The following CABLES2 variants were observed in gnomAD, a reference collection of about 807,000 sequenced individuals.
CABLES2 encodes Cdk5 and Abl enzyme substrate 2, also known as CDK5 and ABL1 enzyme substrate 2.
In CABLES2, 35 loss-of-function variants were observed where a neutral mutation model predicts 44.8. The observed-to-expected ratio is 0.78, with a 90% CI of 0.60 to 1.04. The LOEUF (loss-of-function observed/expected upper bound fraction) is 1.04, where lower values mean the gene tolerates loss of function less well. Ranked by LOEUF, CABLES2 falls within the 50% of genes least tolerant of loss-of-function variation. The probability of loss-of-function intolerance (pLI) is 0.00; values close to 1 mark genes in which losing one functional copy is unlikely to be tolerated. For synonymous variants in CABLES2, 282 were observed against 281.1 expected (o/e 1.00, Z -0.03); for missense variants, 566 against 615.7 (o/e 0.92, Z 0.85).
Position 62,396,472 on chromosome 20 carries a change from T to C in CABLES2, c.434+49A>G. 2 of 1,612,520 alleles carry C rather than the reference T, an allele frequency of 1.2e-6. No homozygotes were observed. The highest frequency in any genetic ancestry group is 1.3e-5 in the African/African-American group (1 of 74,966). Reference sequence around the variant, plus strand: ...GACCCTCTGGCCCCGCAGGGGTCAGTGGCAGCCCGAGCGGAGTCGTAGAGC... The same window carrying C: ...GACCCTCTGGCCCCGCAGGGGTCAGCGGCAGCCCGAGCGGAGTCGTAGAGC... On this transcript the variant is annotated intron_variant, in intron 2 of 9. Coordinates refer to ENST00000279101, the MANE Select transcript of CABLES2 (RefSeq NM_031215.3). The surrounding 1 kb of genome is among the most constrained non-coding windows in gnomAD (Gnocchi z 5.7).
chr20:62,399,963 G>A (rs916867752), intron 1 of CABLES2, among the ~76,000 whole-genome samples: 5 of 152,174 alleles, frequency 3.3e-5, no homozygotes, highest in Non-Finnish European at 5.9e-5. Flanking sequence ...ATGGTTGTAG[G>A]GGTACCAAGT....
Position 62,394,978 on chromosome 20 carries a change from C to T in CABLES2, c.564G>A (p.Ala188=), listed in dbSNP as rs149234266. 2,921 of 1,612,964 alleles carry T rather than the reference C, an allele frequency of 1.8e-3. 10 individuals carry two copies. Among genetic ancestry groups the T allele is most frequent in the Non-Finnish European group, 2.1e-3 (2,446 of 1,179,952 alleles). The change falls in exon 4 of 10, where the codon GCG becomes GCA. Residue 188 remains alanine (A), a synonymous_variant. Transcript: ENST00000279101. ...VLICAKRSLC[A]AFSVLPYGEG... The stretch of plus-strand genomic sequence containing the variant: ...CCCCATAGGGCAGGACCGAGAAGGC[C>T]GCGCACAGGGACCGCTTGGCACAGA...
In CABLES2 at chr20:62,393,431, G is replaced by T. The variant is rs202199654; in HGVS notation, c.880+9C>A. On this transcript the variant is annotated intron_variant, in intron 6 of 9. Coordinates refer to ENST00000279101, the MANE Select transcript of CABLES2 (RefSeq NM_031215.3). ...CTGTTCCAGGCCGTGGTTAAGGCAC[G>T]TGGGCTACCTAGTTCTGTGCTGGCT... The T allele has an allele frequency of 5.7e-6, 9 of 1,583,116 alleles. No individual in the cohort carries two copies. The highest frequency in any genetic ancestry group is 3.5e-5 in the South Asian group (3 of 86,828).
At chr20:62,403,779 C>G (rs1988231526) in intron 1 of CABLES2, 1 of 152,266 alleles carries the variant, frequency 6.6e-6, no homozygotes, top group African/African-American at 2.4e-5. Context: ...ATGAGGAAAA[C>G]AAGGATTCTA....
In CABLES2 at chr20:62,407,049, G is replaced by A; in HGVS notation, c.228C>T (p.Ala76=). Reference sequence around the variant, plus strand: ...GCGGCGCTGGCGGTTCGCGGGCCTCGGCGGGCGGCGGCGGGGGCTTCTCTC... The same window carrying A: ...GCGGCGCTGGCGGTTCGCGGGCCTCAGCGGGCGGCGGCGGGGGCTTCTCTC... The part of the protein sequence containing the change: ...PGGEKPPPPP[A]EAREPPAPPP... Residue 76 remains alanine (A), a synonymous_variant, in exon 1 of 10, where the codon GCC becomes GCT. Transcript: ENST00000279101. 1 of 1,090,956 alleles carries A rather than the reference G, an allele frequency of 9.2e-7. No homozygotes were observed. Among genetic ancestry groups the A allele is most frequent in the Non-Finnish European group, 1.1e-6 (1 of 898,608 alleles). The allele number at this position is 1,090,956 out of a possible 1,614,324, so 67.6% of individuals were successfully genotyped here.
Position 62,391,514 on chromosome 20 carries a change from C to T in CABLES2, c.1092-61G>A. 1 of 1,553,456 alleles carries T rather than the reference C, an allele frequency of 6.4e-7. No individual in the cohort carries two copies. On this transcript the variant is annotated intron_variant, in intron 8 of 9. Coordinates refer to ENST00000279101, the MANE Select transcript of CABLES2 (RefSeq NM_031215.3). The surrounding 1 kb of genome is among the most constrained non-coding windows in gnomAD (Gnocchi z 5.7). ...TCTGGCTGGGGCTGAGGAGGCAGCCCCCTGCCACCACCAACCGAGGCTGGA... is the reference window on the plus strand; with the variant it reads ...TCTGGCTGGGGCTGAGGAGGCAGCCTCCTGCCACCACCAACCGAGGCTGGA...
intron 1 of CABLES2, among the ~76,000 whole-genome samples, chr20:62,401,098 C>A (rs1407503929): frequency 6.6e-6 from 1 of 152,176 alleles, no homozygotes; most frequent in Non-Finnish European, 1.5e-5. Flanking sequence ...CTCTGGCACC[C>A]AGTGGCGCCG....
At position 62,396,626 on chromosome 20, in the gene CABLES2, A is replaced by T. The variant is rs765542150; in HGVS notation, c.363-34T>A. 1.3e-6 allele frequency: 2 copies of T among 1,586,914 alleles called. No homozygotes were observed. The highest frequency in any genetic ancestry group is 3.6e-5 in the Admixed American group (2 of 55,026). ...TGACAATGGAGCCTCAAAACAGGCC[A>T]CCAGCCCGGGTGCCGCCTTTGTGGC... On this transcript the variant is annotated intron_variant, in intron 1 of 9. Coordinates refer to ENST00000279101, the MANE Select transcript of CABLES2 (RefSeq NM_031215.3). This position sits in a 1 kb window ranked among gnomAD's most constrained non-coding sequence, Gnocchi z 5.7.
chr20:62,402,094 T>G (rs1988199802), intron 1 of CABLES2: 1 of 152,116 alleles, frequency 6.6e-6, no homozygotes, highest in South Asian at 2.1e-4. Context: ...CAAAGCTGCC[T>G]GCATCTGACT....
intron 1 of CABLES2, among the ~76,000 whole-genome samples, chr20:62,397,130 C>T (rs141040925): frequency 7.2e-5 from 11 of 152,356 alleles, no homozygotes; most frequent in Non-Finnish European, 1.5e-4. Flanking sequence ...ACCTCAGTGC[C>T]GTCACGGGGG....
In CABLES2 at chr20:62,391,498, G is replaced by T. The variant is rs1308551186; in HGVS notation, c.1092-45C>A. ...CCATGTCCCTGGGGGCTCTGGCTGG[G>T]GCTGAGGAGGCAGCCCCCTGCCACC... On this transcript the variant is annotated intron_variant, in intron 8 of 9. Coordinates refer to ENST00000279101, the MANE Select transcript of CABLES2 (RefSeq NM_031215.3). The surrounding 1 kb of genome is among the most constrained non-coding windows in gnomAD (Gnocchi z 5.7). The T allele has an allele frequency of 6.3e-7, 1 of 1,592,996 alleles. No homozygotes were observed.
At chr20:62,398,077 T>TGGTGACGGTGGG (rs1433351710) in intron 1 of CABLES2, among the ~76,000 whole-genome samples, 1 of 33,056 alleles carries the variant, frequency 3.0e-5, no homozygotes, top group Non-Finnish European at 6.0e-5. Flanking sequence ...GTGACGGTGG[T>TGGTGACGGTGGG]GGTGGTGGTG....
intron 1 of CABLES2, among the ~76,000 whole-genome samples, chr20:62,398,398 G>A (rs1243548432): frequency 6.6e-6 from 1 of 152,072 alleles, no homozygotes; most frequent in Non-Finnish European, 1.5e-5. Flanking sequence ...CCTCTGCAGG[G>A]TGCTGTGTGG....
intron 8 of CABLES2, 123 bp downstream of exon 8, chr20:62,392,266 A>C: frequency 1.4e-6 from 1 of 699,584 alleles, no homozygotes; most frequent in Non-Finnish European, 2.5e-6. Context: ...TCGGATGGCG[A>C]GAGGGGGTTG....
At chr20:62,394,870 G>A in intron 4 of CABLES2, 67 bp downstream of exon 4, 1 of 1,472,814 alleles carries the variant, frequency 6.8e-7, no homozygotes, top group Non-Finnish European at 9.3e-7. Flanking sequence ...TCCTGGGCCT[G>A]GCCGAGACCA....
At chr20:62,397,949 GGTAGTGGTGGTGATGGTGGTGACA>G (rs1601475431) in intron 1 of CABLES2, among the ~76,000 whole-genome samples, 5 of 94,082 alleles carry the variant, frequency 5.3e-5, no homozygotes, top group Admixed American at 1.1e-4. Flanking sequence ...TGGTGGTGAC[GGTAGTGGTGGTGATGGTGGTGACA>G]GTGGTGATGG....
At chr20:62,402,245 G>A (rs542075533) in intron 1 of CABLES2, 2 of 152,366 alleles carry the variant, frequency 1.3e-5, no homozygotes, top group African/African-American at 2.4e-5. Context: ...AGAGAAATCT[G>A]CTATTTATTA....
intron 6 of CABLES2, 28 bp downstream of exon 6, chr20:62,393,412 C>T (rs1422663781): frequency 6.4e-7 from 1 of 1,566,162 alleles, no homozygotes; most frequent in Admixed American, 1.8e-5. Context: ...CACCCTGTTC[C>T]AGGCCGTGGT....
intron 1 of CABLES2, among the ~76,000 whole-genome samples, chr20:62,398,333 A>ATGGCAGTGGTGGTGACGG (rs1988123718): frequency 7.4e-6 from 1 of 134,862 alleles, no homozygotes; most frequent in Non-Finnish European, 1.6e-5. Flanking sequence ...GGTGGTGACG[A>ATGGCAGTGGTGGTGACGG]TGGTGGTGAT....
Sources: gnomAD v4.1 joint callset for allele counts (sites outside exome capture counted in the v4.1 genomes callset) on GRCh38, gnomAD v4.1.1 for gene constraint, Gnocchi (gnomAD v3.1) non-coding constraint, MANE v1.5 for transcripts, NCBI Gene and HGNC (gene_info 2026-07-23, HGNC 2026-07-21) for gene names.